The following MRS2 variants were observed in gnomAD, a reference collection of about 807,000 sequenced individuals.
The protein encoded by MRS2 is magnesium transporter MRS2 homolog, mitochondrial.
A neutral mutation model predicts 52.6 loss-of-function variants in MRS2; 40 were observed. The ratio of observed to expected loss-of-function variants is 0.76; its 90% CI spans 0.59 to 0.99. The LOEUF (loss-of-function observed/expected upper bound fraction) is 0.99, where lower values mean the gene tolerates loss of function less well. Among genes scored for constraint, MRS2 ranks in the 50% least tolerant of loss-of-function variants. The pLI, the probability that MRS2 is intolerant of heterozygous loss-of-function variation, is 0.00. For missense variants in MRS2, 472 were observed against 532.7 expected (o/e 0.89, Z 1.12); for synonymous variants, 193 against 195.9 (o/e 0.98, Z 0.13).
At chr6:24,416,171 C>T (rs111357453) in intron 6 of MRS2, among the ~76,000 whole-genome samples, 5,341 of 152,162 alleles carry the variant, frequency 0.035, 218 homozygotes, top group African/African-American at 0.1. Flanking sequence ...AATCCTCCTG[C>T]CTTGGCCTCC....
chr6:24,424,609 G>A lies in MRS2; in HGVS notation c.*915G>A, dbSNP rs1251355680. The A allele has an allele frequency of 6.6e-6, 1 of 152,100 alleles. No homozygotes were observed. The highest frequency in any genetic ancestry group is 1.5e-5 in the Non-Finnish European group (1 of 68,000). The allele number at this position is 152,100 out of a possible 1,614,324, so 9.4% of individuals were successfully genotyped here. A position where few individuals can be genotyped will look rare whatever the true frequency, so the allele number is the denominator to read the frequency against. ...GGTTTAAAACAAATGGCTAATATTT[G>A]TAAGCCTGAAAGCTGCCATCCTCTT... On this transcript the variant is annotated 3_prime_UTR_variant, in exon 11 of 11. Transcript: ENST00000378386.
At chr6:24,419,129 C>G (rs954821674) in intron 9 of MRS2, 1 of 149,228 alleles carries the variant, frequency 6.7e-6, no homozygotes, top group East Asian at 2.0e-4. Flanking sequence ...CCCAGCTACT[C>G]CGGAGGCTGA....
At chr6:24,403,439 G>C (rs1373354239) in intron 1 of MRS2, among the ~76,000 whole-genome samples, 1 of 152,228 alleles carries the variant, frequency 6.6e-6, no homozygotes, top group African/African-American at 2.4e-5. Context: ...TGTGCGCTGT[G>C]CCCTGCCGGG....
intron 1 of MRS2, among the ~76,000 whole-genome samples, chr6:24,403,911 T>G (rs1761372571): frequency 6.6e-6 from 1 of 152,166 alleles, no homozygotes; most frequent in Non-Finnish European, 1.5e-5. Context: ...ACTACAGTAC[T>G]CTATAAGTAA....
chr6:24,420,391 A>C (rs1221147495), intron 9 of MRS2, among the ~76,000 whole-genome samples: 1 of 152,244 alleles, frequency 6.6e-6, no homozygotes, highest in African/African-American at 2.4e-5. Context: ...GCAAAAGAGC[A>C]TGAGCTCCTT....
chr6:24,422,916 A>G, intron 9 of MRS2, 21 bp from the exon 10 acceptor site: 1 of 1,553,898 alleles, frequency 6.4e-7, no homozygotes, highest in Non-Finnish European at 8.8e-7. Flanking sequence ...TGCGATGGAA[A>G]TGAACTGTGT....
chr6:24,417,653 G>C (rs1337092639), intron 7 of MRS2, among the ~76,000 whole-genome samples: 1 of 152,134 alleles, frequency 6.6e-6, no homozygotes, highest in Admixed American at 6.5e-5. Flanking sequence ...CAATAGAAAA[G>C]ACAAAGGCAG....
chr6:24,419,242 A>T (rs924318127), intron 9 of MRS2: 4 of 152,194 alleles, frequency 2.6e-5, no homozygotes, highest in Non-Finnish European at 4.4e-5. Flanking sequence ...ACTCTGTCTC[A>T]AAAAATAAAT....
At chr6:24,423,238 T>C in intron 10 of MRS2, 188 bp downstream of exon 10, 4 of 559,450 alleles carry the variant, frequency 7.1e-6, no homozygotes, top group Non-Finnish European at 1.3e-5. Context: ...TGGGAAGAAT[T>C]AAACAATATG....
At chr6:24,413,448 A>C (rs1761733954) in intron 5 of MRS2, among the ~76,000 whole-genome samples, 1 of 152,168 alleles carries the variant, frequency 6.6e-6, no homozygotes. Flanking sequence ...AAGTTTTCGA[A>C]CAAGGGAAAG....
chr6:24,403,774 A>G (rs1746199634), intron 1 of MRS2, among the ~76,000 whole-genome samples: 1 of 152,204 alleles, frequency 6.6e-6, no homozygotes, highest in Admixed American at 6.5e-5. Flanking sequence ...GTATAAATTA[A>G]TACTTCCCTG....
intron 7 of MRS2, among the ~76,000 whole-genome samples, chr6:24,417,024 TTG>T (rs1761876691): frequency 6.6e-6 from 1 of 152,230 alleles, no homozygotes; most frequent in Non-Finnish European, 1.5e-5. Context: ...TATTTTGTTA[TTG>T]TCTTTCTAGA....
chr6:24,422,065 G>T (rs6899899), intron 9 of MRS2, among the ~76,000 whole-genome samples: 2 of 152,118 alleles, frequency 1.3e-5, no homozygotes, highest in African/African-American at 4.8e-5. Flanking sequence ...CACAAGAATC[G>T]CTTGAATCAG....
rs1452984820 is a variant in MRS2, at chr6:24,423,744, T to C, written c.*50T>C. 2.4e-6 allele frequency: 2 copies of C among 835,032 alleles called. No homozygotes were observed. Among genetic ancestry groups the C allele is most frequent in the South Asian group, 3.6e-5 (2 of 55,458 alleles). The allele number at this position is 835,032 out of a possible 1,614,324, so 51.7% of individuals were successfully genotyped here. On this transcript the variant is annotated 3_prime_UTR_variant, in exon 11 of 11. Transcript: ENST00000378386. ...TTTTTTTATGGTAGTTACAGGAAAC[T>C]TCTGATACTCTTTTTATTATTTTCT...
intron 8 of MRS2, 38 bp downstream of exon 8, chr6:24,418,274 A>C (rs3736798): frequency 0.25 from 366,892 of 1,493,394 alleles, 50,862 homozygotes; most frequent in East Asian, 0.62. Context: ...TTTTTTAATA[A>C]AATAATTATA....
At chr6:24,420,221 T>TA (rs1294318072) in intron 9 of MRS2, among the ~76,000 whole-genome samples, 1 of 152,168 alleles carries the variant, frequency 6.6e-6, no homozygotes, top group East Asian at 1.9e-4. Flanking sequence ...CCGTTTTGCT[T>TA]AGTTACTTCC....
intron 2 of MRS2, 59 bp downstream of exon 2, chr6:24,405,300 C>G: frequency 1.6e-6 from 2 of 1,232,348 alleles, no homozygotes; most frequent in Non-Finnish European, 2.4e-6. Context: ...CATAAGTTAA[C>G]TCGTTGGACT....
In MRS2 at chr6:24,402,943, C is replaced by G. The variant is rs2295650; in HGVS notation, c.-104C>G. 8,202 of 1,101,776 alleles carry G rather than the reference C, an allele frequency of 7.4e-3. 341 individuals carry two copies. The East Asian group carries it at 0.096, about 13-fold the overall frequency. 68.2% of individuals were successfully genotyped at this position (1,101,776 alleles called of 1,614,324 possible). On this transcript the variant is annotated 5_prime_UTR_variant, in exon 1 of 11. Transcript: ENST00000378386. The stretch of plus-strand genomic sequence containing the variant: ...CCCGCGCATGCCTGGTGCACAGAGT[C>G]TGCAGGTCGGGCGGTAGCGACAGGT...
intron 3 of MRS2, 120 bp downstream of exon 3, chr6:24,408,564 ATCTT>A: frequency 1.4e-6 from 1 of 701,544 alleles, no homozygotes. Context: ...GTTGAAAGAG[ATCTT>A]TCTTCAGCAT....
Sources: allele counts gnomAD v4.1 joint callset (sites outside exome capture counted in the v4.1 genomes callset), GRCh38; gene constraint gnomAD v4.1.1; transcripts MANE v1.5; gene names NCBI Gene and HGNC (gene_info 2026-07-23, HGNC 2026-07-21).